ICA1: variants seen among roughly 807,000 people sequenced by gnomAD.
ICA1 encodes 69 kDa islet cell autoantigen.
Under a neutral mutation model 71.0 loss-of-function variants are expected in ICA1, and 40 were observed. The observed-to-expected ratio is 0.56, with a 90% confidence interval of 0.44 to 0.73. ICA1 has a LOEUF of 0.73. Ranked by LOEUF, ICA1 falls within the 30% of genes least tolerant of loss-of-function variation. The pLI is 0.00. For missense variants in ICA1, 578 were observed against 576.5 expected (o/e 1.00, Z -0.03); for synonymous variants, 207 against 209.5 (o/e 0.99, Z 0.10).
At position 8,144,416 on chromosome 7, in the gene ICA1, G is replaced by C. The variant is rs1187278351; in HGVS notation, c.805-444C>G. 6.6e-6 allele frequency among the ~76,000 whole-genome samples: 1 copy of C among 152,106 alleles called. No individual in the cohort carries two copies. The highest frequency in any genetic ancestry group is 1.9e-4 in the East Asian group (1 of 5,202). On this transcript the variant is annotated intron_variant, in intron 8 of 13. Coordinates refer to ENST00000402384, the MANE Select transcript of ICA1 (RefSeq NM_001136020.3). This position sits in a 1 kb window ranked among gnomAD's most constrained non-coding sequence, Gnocchi z 4.5. ...ACGATTTCATTTTGTTTTAAATTTT[G>C]TTTGCTATTTTGCAATCTAAAACCC...
rs564578667 is a variant in ICA1, at chr7:8,192,584, T to C, written c.579+25721A>G. On this transcript the variant is annotated intron_variant, in intron 6 of 13. Transcript: ENST00000402384. ...AATTTGAAACAATGTAAAGACAACG[T>C]AAAGATCCTATATCTCATTAAACTT... 6.6e-5 allele frequency among the ~76,000 whole-genome samples: 10 copies of C among 152,350 alleles called. No homozygotes were observed. In the East Asian group the frequency reaches 1.5e-3, roughly 23 times the overall value.
At chr7:8,213,769 G>A (rs1419225635) in intron 6 of ICA1, among the ~76,000 whole-genome samples, 1 of 152,092 alleles carries the variant, frequency 6.6e-6, no homozygotes, top group Non-Finnish European at 1.5e-5. Flanking sequence ...TCAGGACACC[G>A]GAGCACCACT....
At chr7:8,124,413 C>T (rs1045572605) in intron 13 of ICA1, among the ~76,000 whole-genome samples, 3 of 151,260 alleles carry the variant, frequency 2.0e-5, no homozygotes, top group African/African-American at 7.3e-5. Context: ...GCCACCGCGC[C>T]CAGCCGTGTA....
chr7:8,115,544 G>A (rs1473160241), intron 13 of ICA1, among the ~76,000 whole-genome samples: 2 of 152,274 alleles, frequency 1.3e-5, no homozygotes, highest in South Asian at 2.1e-4. Flanking sequence ...TGGCCTTGCC[G>A]TGAGGAGCCA....
At chr7:8,124,047 G>T (rs529588090) in intron 13 of ICA1, among the ~76,000 whole-genome samples, 1 of 151,900 alleles carries the variant, frequency 6.6e-6, no homozygotes, top group African/African-American at 2.4e-5. Context: ...CACGTAGCAC[G>T]TGCCACACTG....
chr7:8,211,560 C>T (rs552512226), intron 6 of ICA1, among the ~76,000 whole-genome samples: 10 of 152,208 alleles, frequency 6.6e-5, no homozygotes, highest in South Asian at 2.1e-4. Flanking sequence ...ACATAGTGAG[C>T]TCTGGAATTG....
intron 10 of ICA1, among the ~76,000 whole-genome samples, chr7:8,141,408 G>A (rs1795183505): frequency 6.6e-6 from 1 of 152,182 alleles, no homozygotes; most frequent in Non-Finnish European, 1.5e-5. Flanking sequence ...TGAGGTCATA[G>A]CCTCATCTTA....
chr7:8,180,736 T>G (rs188956052), intron 6 of ICA1, among the ~76,000 whole-genome samples: 245 of 152,246 alleles, frequency 1.6e-3, no homozygotes, highest in Middle Eastern at 6.8e-3. Flanking sequence ...CCTCTACAGG[T>G]GTACATGAAA....
intron 6 of ICA1, among the ~76,000 whole-genome samples, chr7:8,174,771 A>ACAAAAAACC (rs370062102): frequency 1.9e-5 from 2 of 106,054 alleles, no homozygotes; most frequent in South Asian, 3.5e-4. Context: ...AAAAAAAAAA[A>ACAAAAAACC]AAAAAAAACA....
At chr7:8,204,106 A>G (rs1008618394) in intron 6 of ICA1, among the ~76,000 whole-genome samples, 31 of 151,956 alleles carry the variant, frequency 2.0e-4, no homozygotes, top group African/African-American at 7.0e-4. Context: ...GGGTGCTTGG[A>G]ACATGAAACA....
chr7:8,121,435 C>A (rs1342242098), intron 13 of ICA1, among the ~76,000 whole-genome samples: 2 of 152,202 alleles, frequency 1.3e-5, no homozygotes, highest in African/African-American at 4.8e-5. Context: ...AGAATGAGAT[C>A]CTGTCATTTG....
intron 8 of ICA1, among the ~76,000 whole-genome samples, chr7:8,150,672 C>A (rs1397745819): frequency 2.6e-5 from 4 of 152,244 alleles, no homozygotes; most frequent in African/African-American, 9.6e-5. Context: ...ATCGAGAGGA[C>A]TTCATCCCAA....
Position 8,144,039 on chromosome 7 carries a change from A to C in ICA1, c.805-67T>G, listed in dbSNP as rs1796114481. On this transcript the variant is annotated intron_variant, in intron 8 of 13. Coordinates refer to ENST00000402384, the MANE Select transcript of ICA1 (RefSeq NM_001136020.3). The surrounding 1 kb of genome is among the most constrained non-coding windows in gnomAD (Gnocchi z 4.5). ...AAGAAGAAATAGAGACAAAAAAAAG[A>C]AAAGAAAGGTTATCAATTAAAAAAT... is the stretch of plus-strand genomic sequence containing the variant. 2 of 920,080 alleles carry C rather than the reference A, an allele frequency of 2.2e-6. No homozygotes were observed. Among genetic ancestry groups the C allele is most frequent in the Non-Finnish European group, 3.3e-6 (2 of 599,374 alleles). 57.0% of individuals were successfully genotyped at this position (920,080 alleles called of 1,614,324 possible). A position where few individuals can be genotyped will look rare whatever the true frequency, so the allele number is the denominator to read the frequency against.
chr7:8,262,464 CGG>C (rs1450599516), upstream of ICA1: 1 of 152,198 alleles, frequency 6.6e-6, no homozygotes, highest in Non-Finnish European at 1.5e-5. Flanking sequence ...GTCGGGGACT[CGG>C]GGAGTGAGTT....
chr7:8,120,041 G>C (rs1298889072), intron 13 of ICA1, among the ~76,000 whole-genome samples: 1 of 152,090 alleles, frequency 6.6e-6, no homozygotes, highest in African/African-American at 2.4e-5. Flanking sequence ...AGAACCCATG[G>C]ATTTGGAGGC....
At chr7:8,170,598 T>TA (rs1807955685) in intron 6 of ICA1, among the ~76,000 whole-genome samples, 1 of 152,044 alleles carries the variant, frequency 6.6e-6, no homozygotes, top group African/African-American at 2.4e-5. Context: ...TTATAATTTC[T>TA]AAAAAATTCA....
intron 1 of ICA1, among the ~76,000 whole-genome samples, chr7:8,256,664 T>G (rs1810325942): frequency 1.3e-5 from 2 of 152,194 alleles, no homozygotes; most frequent in Non-Finnish European, 2.9e-5. Context: ...ATACTGGTGG[T>G]GCCACTGCAC....
rs572353399 is a variant in ICA1 at position 8,213,168 on chromosome 7, A to G, written c.579+5137T>C. Among the ~76,000 whole-genome samples the G allele has an allele frequency of 2.6e-5, 4 of 152,362 alleles. No individual in the cohort carries two copies. In the South Asian group the frequency reaches 8.3e-4, roughly 32 times the overall value. On this transcript the variant is annotated intron_variant, in intron 6 of 13. Coordinates refer to ENST00000402384, the MANE Select transcript of ICA1 (RefSeq NM_001136020.3). ...AAATGAAAATGGCGAGTTATGAAAC[A>G]AATACATTTAAGAGAGCATTAGTTT... is the stretch of plus-strand genomic sequence containing the variant.
intron 2 of ICA1, 91 bp from the exon 3 acceptor site, chr7:8,232,846 A>G (rs1168595395): frequency 3.5e-6 from 4 of 1,127,318 alleles, no homozygotes; most frequent in Non-Finnish European, 4.8e-6. Flanking sequence ...ATGACTTTCC[A>G]TTATGCATTT....
Sources: allele counts gnomAD v4.1 joint callset (sites outside exome capture counted in the v4.1 genomes callset), GRCh38; gene constraint gnomAD v4.1.1; non-coding constraint Gnocchi (gnomAD v3.1); transcripts MANE v1.5; gene names NCBI Gene and HGNC (gene_info 2026-07-23, HGNC 2026-07-21).